ZFYVE28: variants seen among roughly 807,000 people sequenced by gnomAD.
ZFYVE28 encodes lateral signaling target protein 2 homolog.
ZFYVE28 carries 40 observed loss-of-function variants against 82.1 expected under a neutral mutation model. That is an observed-to-expected ratio of 0.49 (90% CI 0.38 to 0.63). The LOEUF is 0.63. Among genes scored for constraint, ZFYVE28 ranks in the 30% least tolerant of loss-of-function variants. The pLI, the probability that ZFYVE28 is intolerant of heterozygous loss-of-function variation, is 0.00. For missense variants in ZFYVE28, 1,321 were observed against 1,242.1 expected (o/e 1.06, Z -0.96); for synonymous variants, 612 against 546.1 (o/e 1.12, Z -1.68).
chr4:2,290,554 G>A lies in ZFYVE28; in HGVS notation c.2051+13735C>T, dbSNP rs13105838. 4.9e-4 allele frequency among the ~76,000 whole-genome samples: 75 copies of A among 152,256 alleles called. 1 individual carries two copies. Among genetic ancestry groups the A allele is most frequent in the African/African-American group, 1.7e-3 (71 of 41,558 alleles). On this transcript the variant is annotated intron_variant, in intron 8 of 12. Transcript: ENST00000290974. ...CCCCCAGGAGATGTCTCCAAAAGCC[G>A]GGGGCCATGGGGGCAGGTGCAGCAG...
rs762432812 is a variant in ZFYVE28, at chr4:2,304,836, C to G, written c.1504G>C (p.Glu502Gln). The G allele has an allele frequency of 6.2e-7, 1 of 1,612,676 alleles. No homozygotes were observed. The highest frequency in any genetic ancestry group is 1.7e-5 in the Admixed American group (1 of 60,028). The change falls in exon 8 of 13, where the codon GAG becomes CAG. Residue 502 changes from glutamate to glutamine, a missense_variant. By Grantham distance (29) the Glu-to-Gln change is conservative. Coordinates refer to ENST00000290974, the MANE Select transcript of ZFYVE28 (RefSeq NM_020972.3). ...CCCCCTGTCCGGTGGGCGATCATCT[C>G]AGCCGTCTCTGCGTCATCCGCACCC... ...EVGADDAETA[E>Q]MIAHRTGGMK... is the part of the protein sequence containing the mutation.
chr4:2,300,603 C>T lies in ZFYVE28; in HGVS notation c.2051+3686G>A, dbSNP rs1223343494. Among the ~76,000 whole-genome samples, 3 of 152,088 alleles carry T rather than the reference C, an allele frequency of 2.0e-5. No homozygotes were observed. The highest frequency in any genetic ancestry group is 4.8e-5 in the African/African-American group (2 of 41,388). Reference sequence around the variant, plus strand: ...GGGCCATGTGCCAACCCACCTCCTGCGTGCATCCGTCCCCTGGCTGGTGGC... The same window carrying T: ...GGGCCATGTGCCAACCCACCTCCTGTGTGCATCCGTCCCCTGGCTGGTGGC... On this transcript the variant is annotated intron_variant, in intron 8 of 12. Transcript: ENST00000290974. The surrounding 1 kb of genome is among the most constrained non-coding windows in gnomAD (Gnocchi z 4.6).
intron 1 of ZFYVE28, among the ~76,000 whole-genome samples, chr4:2,389,304 C>T (rs3135091): frequency 0.68 from 103,078 of 152,070 alleles, 35,098 homozygotes; most frequent in East Asian, 0.79. Flanking sequence ...ACCAGCTTGA[C>T]TGGGCTGCAG....
Position 2,337,489 on chromosome 4 carries a change from A to G in ZFYVE28, c.529T>C (p.Ser177Pro). 6.2e-7 allele frequency: 1 copy of G among 1,605,886 alleles called. No individual in the cohort carries two copies. Among genetic ancestry groups the G allele is most frequent in the Non-Finnish European group, 8.5e-7 (1 of 1,175,826 alleles). Residue 177 changes from serine (S) to proline (P), a missense_variant, in exon 5 of 13, where the codon TCG becomes CCG. Transcript: ENST00000290974. The stretch of plus-strand genomic sequence containing the variant: ...GGGGACTTCACAGGCACCATGGCCG[A>G]GACGTAGCTGCAAACACATGGAGAC... Reference protein sequence around the residue: ...LFAEFELSYVSAMVPVKSPRE... With the variant: ...LFAEFELSYVPAMVPVKSPRE...
rs143496772 is a variant in ZFYVE28 at position 2,278,006 on chromosome 4, C to A, written c.2052-3790G>T. ...ATACAGACCAATGAGACCGAGAGTC[C>A]GCAAAGAAACCCATATGCTTATGGG... On this transcript the variant is annotated intron_variant, in intron 8 of 12. Coordinates refer to ENST00000290974, the MANE Select transcript of ZFYVE28 (RefSeq NM_020972.3). Among the ~76,000 whole-genome samples, 75 of 152,088 alleles carry A rather than the reference C, an allele frequency of 4.9e-4. No individual in the cohort carries two copies. The East Asian group carries it at 0.014, about 29-fold the overall frequency.
At chr4:2,305,657 C>G in intron 7 of ZFYVE28, 121 bp from the exon 8 acceptor site, 1 of 1,205,174 alleles carries the variant, frequency 8.3e-7, no homozygotes, top group Admixed American at 2.5e-5. Context: ...GCACTGAATG[C>G]TTGCAACTGA....
intron 7 of ZFYVE28, among the ~76,000 whole-genome samples, chr4:2,317,239 TG>T (rs1398304923): frequency 6.6e-6 from 1 of 152,040 alleles, no homozygotes; most frequent in Non-Finnish European, 1.5e-5. Context: ...CCGCCCACCT[TG>T]GCCTCCCAAA....
chr4:2,388,112 C>T (rs989626258), intron 1 of ZFYVE28, among the ~76,000 whole-genome samples: 4 of 152,346 alleles, frequency 2.6e-5, no homozygotes, highest in East Asian at 1.9e-4. Flanking sequence ...AGGGAGAGGA[C>T]GCAGCACACA....
At chr4:2,325,255 T>C (rs79948803) in intron 6 of ZFYVE28, among the ~76,000 whole-genome samples, 1 of 152,132 alleles carries the variant, frequency 6.6e-6, no homozygotes, top group Non-Finnish European at 1.5e-5. Context: ...ATCCTGCCAA[T>C]GAACAAATTT....
Position 2,416,901 on chromosome 4 carries a change from C to T in ZFYVE28, c.39+1384G>A, listed in dbSNP as rs1004178341. On this transcript the variant is annotated intron_variant, in intron 1 of 12. Transcript: ENST00000290974. This position sits in a 1 kb window ranked among gnomAD's most constrained non-coding sequence, Gnocchi z 4.6. ...ACTCCGGCAACGACAAACAGAATTCCCCGACCTCAAAGGCCGTGAAGCACG... is the reference window on the plus strand; with the variant it reads ...ACTCCGGCAACGACAAACAGAATTCTCCGACCTCAAAGGCCGTGAAGCACG... Among the ~76,000 whole-genome samples, 2 of 152,152 alleles carry T rather than the reference C, an allele frequency of 1.3e-5. No individual in the cohort carries two copies. Among genetic ancestry groups the T allele is most frequent in the African/African-American group, 4.8e-5 (2 of 41,410 alleles).
At chr4:2,399,084 A>AGGG (rs1730861996) in intron 1 of ZFYVE28, among the ~76,000 whole-genome samples, 10 of 36,536 alleles carry the variant, frequency 2.7e-4, no homozygotes, top group East Asian at 9.4e-4. Flanking sequence ...ACAAGCGTGA[A>AGGG]GGTGAGATCC....
At chr4:2,318,570 G>T (rs1718578991) in intron 7 of ZFYVE28, among the ~76,000 whole-genome samples, 1 of 152,218 alleles carries the variant, frequency 6.6e-6, no homozygotes, top group Admixed American at 6.5e-5. Flanking sequence ...TGGAGGAGAT[G>T]CAGGCTCATC....
intron 8 of ZFYVE28, among the ~76,000 whole-genome samples, chr4:2,290,704 G>A (rs1713512702): frequency 6.6e-6 from 1 of 152,156 alleles, no homozygotes; most frequent in Non-Finnish European, 1.5e-5. Flanking sequence ...TGGGGCAGGG[G>A]CCAGGCCAGG....
chr4:2,271,569 C>A (rs1223836391), intron 11 of ZFYVE28, 106 bp downstream of exon 11: 2 of 1,443,338 alleles, frequency 1.4e-6, no homozygotes, highest in Non-Finnish European at 1.9e-6. Flanking sequence ...CCCACATGCC[C>A]GGACAGGGTG....
At chr4:2,374,796 A>C (rs1578303479) in intron 1 of ZFYVE28, among the ~76,000 whole-genome samples, 1 of 152,168 alleles carries the variant, frequency 6.6e-6, no homozygotes, top group South Asian at 2.1e-4. Context: ...TCATCTCCCC[A>C]CCTTTGGGCA....
chr4:2,327,308 A>ATATC (rs1720034152), intron 6 of ZFYVE28, among the ~76,000 whole-genome samples: 1 of 70,244 alleles, frequency 1.4e-5, no homozygotes, highest in African/African-American at 4.9e-5. Flanking sequence ...ATATATATAT[A>ATATC]TCGAATAAAG....
At chr4:2,340,496 A>G (rs572138321) in intron 3 of ZFYVE28, among the ~76,000 whole-genome samples, 1 of 152,326 alleles carries the variant, frequency 6.6e-6, no homozygotes, top group Middle Eastern at 3.4e-3. Flanking sequence ...CAAGTGATGC[A>G]GGACAAGAAG....
At position 2,352,888 on chromosome 4, in the gene ZFYVE28, G is replaced by C. The variant is rs76333116; in HGVS notation, c.180+1045C>G. Among the ~76,000 whole-genome samples the C allele has an allele frequency of 7.2e-5, 11 of 152,278 alleles. No individual in the cohort carries two copies. The East Asian group carries it at 1.9e-3, about 27-fold the overall frequency. On this transcript the variant is annotated intron_variant, in intron 2 of 12. Coordinates refer to ENST00000290974, the MANE Select transcript of ZFYVE28 (RefSeq NM_020972.3). ...TAGCATCTGATCCCCCTTCCTCATC[G>C]GTGGGGCCACGGGGCAGGTCTAGCA...
Position 2,339,504 on chromosome 4 carries a change from ATCT to A in ZFYVE28, c.467_469del (p.Lys156del). The A allele has an allele frequency of 6.2e-7, 1 of 1,613,898 alleles. No individual in the cohort carries two copies. The highest frequency in any genetic ancestry group is 8.5e-7 in the Non-Finnish European group (1 of 1,179,968). On this transcript the variant is annotated inframe_deletion, in exon 4 of 13. Coordinates refer to ENST00000290974, the MANE Select transcript of ZFYVE28 (RefSeq NM_020972.3). The surrounding 1 kb of genome is among the most constrained non-coding windows in gnomAD (Gnocchi z 5.0). Reference sequence around the variant, plus strand: ...GTCGAAGTGCCTCAGCGCTTCCCTCATCTTCTCTGTGTAGGTGTTCAGGTCCCG... The same window carrying A: ...GTCGAAGTGCCTCAGCGCTTCCCTCATCTCTGTGTAGGTGTTCAGGTCCCG...
Sources: gnomAD v4.1 joint callset for allele counts (sites outside exome capture counted in the v4.1 genomes callset) on GRCh38, gnomAD v4.1.1 for gene constraint, Gnocchi (gnomAD v3.1) non-coding constraint, MANE v1.5 for transcripts, NCBI Gene and HGNC (gene_info 2026-07-23, HGNC 2026-07-21) for gene names.